Variants in PDE7B observed in about 807,000 individuals in gnomAD.
PDE7B encodes 3',5'-cyclic-AMP phosphodiesterase 7B.
Under a neutral mutation model 56.2 loss-of-function variants are expected in PDE7B, and 29 were observed. The observed-to-expected ratio is 0.52, with a 90% CI of 0.38 to 0.70. The LOEUF (loss-of-function observed/expected upper bound fraction) is 0.70, where lower values mean the gene tolerates loss of function less well. Ranked by LOEUF, PDE7B falls within the 30% of genes least tolerant of loss-of-function variation. The pLI is 0.00. For missense variants in PDE7B, 490 were observed against 565.0 expected (o/e 0.87, Z 1.35); for synonymous variants, 197 against 196.9 (o/e 1.00, Z 0.00).
At position 135,859,770 on chromosome 6, in the gene PDE7B, G is replaced by A. The variant is rs185133031; in HGVS notation, c.21+7751G>A. ...AAAAAAAAATCAAAACATTGAGTTGGAGAATACAGCCTATTTAAAATATAT... is the reference window on the plus strand; with the variant it reads ...AAAAAAAAATCAAAACATTGAGTTGAAGAATACAGCCTATTTAAAATATAT... On this transcript the variant is annotated intron_variant, in intron 1 of 12. Transcript: ENST00000308191. Among the ~76,000 whole-genome samples the A allele has an allele frequency of 5.9e-5, 9 of 152,096 alleles. No homozygotes were observed. In the East Asian group the frequency reaches 1.7e-3, roughly 29 times the overall value.
At chr6:136,110,954 T>A (rs1439863035) in intron 3 of PDE7B, 1 of 152,236 alleles carries the variant, frequency 6.6e-6, no homozygotes, top group African/African-American at 2.4e-5. Context: ...CCCTGGATGC[T>A]GCCTGCCCCT....
intron 2 of PDE7B, among the ~76,000 whole-genome samples, chr6:135,954,769 C>T (rs776693948): frequency 2.0e-5 from 3 of 152,042 alleles, no homozygotes; most frequent in Non-Finnish European, 2.9e-5. Context: ...AGGCATTCCA[C>T]ATTATCCTAC....
rs924951853 is a variant in PDE7B, at chr6:136,037,578, G to C, written c.83-71153G>C. ...CCATCAGGCCCTCCAGAGAGAAGCA[G>C]CTGCAGATTGGCTCTGCAGACTCTC... On this transcript the variant is annotated intron_variant, in intron 2 of 12. Transcript: ENST00000308191. The C allele has an allele frequency of 8.1e-6, 8 of 985,330 alleles. No homozygotes were observed. In the African/African-American group the frequency reaches 1.2e-4, roughly 15 times the overall value. 61.0% of individuals were successfully genotyped at this position (985,330 alleles called of 1,614,324 possible).
intron 2 of PDE7B, among the ~76,000 whole-genome samples, chr6:136,025,826 T>G (rs544238929): frequency 1.3e-5 from 2 of 152,326 alleles, no homozygotes; most frequent in Admixed American, 6.5e-5. Flanking sequence ...ATATCTGTTG[T>G]CCATGCAGAA....
At chr6:136,108,646 G>T (rs950317496) in intron 2 of PDE7B, 85 bp from the exon 3 acceptor site, 2 of 853,518 alleles carry the variant, frequency 2.3e-6, no homozygotes, top group Non-Finnish European at 2.1e-6. Context: ...GACATCTGGG[G>T]TTGGTTTCAT....
At chr6:135,893,588 T>G (rs1043879801) in intron 1 of PDE7B, among the ~76,000 whole-genome samples, 9 of 152,078 alleles carry the variant, frequency 5.9e-5, no homozygotes, top group Non-Finnish European at 1.0e-4. Context: ...GTTCAACCAT[T>G]GTGGAAGTCA....
intron 1 of PDE7B, among the ~76,000 whole-genome samples, chr6:135,880,521 T>C (rs971951443): frequency 6.6e-6 from 1 of 152,160 alleles, no homozygotes; most frequent in Admixed American, 6.5e-5. Context: ...GTCTGATGGC[T>C]GGGAGGAGGC....
chr6:136,038,037 G>C, intron 2 of PDE7B: 1 of 1,329,564 alleles, frequency 7.5e-7, no homozygotes, highest in Non-Finnish European at 9.9e-7. Flanking sequence ...GAAACCTAGG[G>C]AAGTGAATCG....
At chr6:135,863,064 T>C (rs891792836) in intron 1 of PDE7B, among the ~76,000 whole-genome samples, 13 of 151,996 alleles carry the variant, frequency 8.6e-5, no homozygotes, top group Non-Finnish European at 1.9e-4. Flanking sequence ...CTTGAATGTA[T>C]AACCGAATAT....
At chr6:135,914,339 T>G (rs1158915015) in intron 1 of PDE7B, among the ~76,000 whole-genome samples, 1 of 151,894 alleles carries the variant, frequency 6.6e-6, no homozygotes, top group Non-Finnish European at 1.5e-5. Flanking sequence ...GAAAGTTCCC[T>G]GTGCTCATTT....
intron 8 of PDE7B, among the ~76,000 whole-genome samples, chr6:136,172,720 C>T (rs1778910615): frequency 6.6e-6 from 1 of 151,958 alleles, no homozygotes; most frequent in Non-Finnish European, 1.5e-5. Flanking sequence ...ATGCCTATGT[C>T]CTGAATGGTA....
chr6:136,126,622 A>C (rs1778026969), intron 3 of PDE7B, among the ~76,000 whole-genome samples: 1 of 152,228 alleles, frequency 6.6e-6, no homozygotes, highest in South Asian at 2.1e-4. Flanking sequence ...CCACTCAGCC[A>C]TAAAAAGGAA....
chr6:136,151,782 A>ATCACAAGGTCAGGAGTTCGAG (rs71006788), intron 6 of PDE7B, among the ~76,000 whole-genome samples: 6 of 151,680 alleles, frequency 4.0e-5, no homozygotes, highest in Admixed American at 6.6e-5. Context: ...AAAAATACAA[A>ATCACAAGGTCAGGAGTTCGAG]AAAAAAATTA....
At chr6:135,908,031 GA>G (rs1776145755) in intron 1 of PDE7B, among the ~76,000 whole-genome samples, 1 of 151,612 alleles carries the variant, frequency 6.6e-6, no homozygotes, top group African/African-American at 2.4e-5. Flanking sequence ...GCAGAAATTT[GA>G]AAGTTAGATA....
intron 2 of PDE7B, among the ~76,000 whole-genome samples, chr6:135,950,056 G>A (rs1436165315): frequency 6.6e-6 from 1 of 151,954 alleles, no homozygotes; most frequent in Non-Finnish European, 1.5e-5. Context: ...AATACACATG[G>A]ATCAACCCCA....
chr6:136,104,289 C>A (rs1308646715), intron 2 of PDE7B, among the ~76,000 whole-genome samples: 1 of 152,166 alleles, frequency 6.6e-6, no homozygotes, highest in African/African-American at 2.4e-5. Flanking sequence ...CGCTTCCTAC[C>A]AGCTTCCACA....
At chr6:135,964,745 T>A (rs60725837) in intron 2 of PDE7B, among the ~76,000 whole-genome samples, 18,622 of 152,162 alleles carry the variant, frequency 0.12, 1,390 homozygotes, top group South Asian at 0.22. Flanking sequence ...AAAACAGTAG[T>A]GAATAAAACA....
At chr6:136,032,836 T>G (rs1281307153) in intron 2 of PDE7B, among the ~76,000 whole-genome samples, 1 of 152,234 alleles carries the variant, frequency 6.6e-6, no homozygotes, top group Non-Finnish European at 1.5e-5. Context: ...TTTAATCCTT[T>G]CAAGATCCCA....
At chr6:136,043,900 C>G (rs1285714034) in intron 2 of PDE7B, 1 of 152,126 alleles carries the variant, frequency 6.6e-6, no homozygotes, top group Non-Finnish European at 1.5e-5. Flanking sequence ...AGAGAAAATC[C>G]AGATTCTTTC....
Sources: allele counts gnomAD v4.1 joint callset (sites outside exome capture counted in the v4.1 genomes callset), GRCh38; gene constraint gnomAD v4.1.1; transcripts MANE v1.5; gene names NCBI Gene and HGNC (gene_info 2026-07-23, HGNC 2026-07-21).